DRC1: variants seen among roughly 807,000 people sequenced by gnomAD.
DRC1 encodes dynein regulatory complex protein 1.
In DRC1, 74 loss-of-function variants were observed where a neutral mutation model predicts 98.7. The ratio of observed to expected loss-of-function variants is 0.75; its 90% CI spans 0.62 to 0.91. The LOEUF is 0.91. Ranked by LOEUF, DRC1 falls within the 40% of genes least tolerant of loss-of-function variation. The probability of loss-of-function intolerance (pLI) is 0.00; values close to 1 mark genes in which losing one functional copy is unlikely to be tolerated. For missense variants in DRC1, 875 were observed against 886.0 expected, an observed-to-expected ratio of 0.99 and a Z score of 0.16; for synonymous variants, 336 against 334.1, an observed-to-expected ratio of 1.01 and a Z score of -0.06.
At position 26,452,256 on chromosome 2, in the gene DRC1, ATTC is replaced by A. The variant is rs1233151070; in HGVS notation, c.1690-1055_1690-1053del. On this transcript the variant is annotated intron_variant, in intron 13 of 16. Coordinates refer to ENST00000288710, the MANE Select transcript of DRC1 (RefSeq NM_145038.5). ...AAAACTATATACATTTTACTCTGAAATTCTTCTTCTTTTTTTTGAGACAGAGTC... is the reference window on the plus strand; with the variant it reads ...AAAACTATATACATTTTACTCTGAAATTCTTCTTTTTTTTGAGACAGAGTC... Among the ~76,000 whole-genome samples the A allele has an allele frequency of 1.2e-4, 18 of 152,214 alleles. No homozygotes were observed. The South Asian group carries it at 3.1e-3, about 26-fold the overall frequency.
rs77365992 is a variant in DRC1 at position 26,421,884 on chromosome 2, C to T, written c.356+484C>T. On this transcript the variant is annotated intron_variant, in intron 3 of 16. Coordinates refer to ENST00000288710, the MANE Select transcript of DRC1 (RefSeq NM_145038.5). Reference sequence around the variant, plus strand: ...TATCTCATCTCTTTTCTTTCCTCCCCTCCTCAAGCACTACATTGCTGATAC... The same window carrying T: ...TATCTCATCTCTTTTCTTTCCTCCCTTCCTCAAGCACTACATTGCTGATAC... Among the ~76,000 whole-genome samples the T allele has an allele frequency of 2.5e-3, 379 of 152,238 alleles. 2 individuals carry two copies. The highest frequency in any genetic ancestry group is 9.0e-3 in the African/African-American group (374 of 41,558).
chr2:26,436,046 A>G (rs777415945), intron 7 of DRC1, among the ~76,000 whole-genome samples: 1 of 151,972 alleles, frequency 6.6e-6, no homozygotes, highest in Non-Finnish European at 1.5e-5. Flanking sequence ...TGCTTTCTAC[A>G]ATGCCTGAAC....
chr2:26,448,352 T>G (rs1663912251), intron 10 of DRC1: 1 of 511,670 alleles, frequency 2.0e-6, no homozygotes. Flanking sequence ...ATCTCTGAAA[T>G]AAGAATAAAT....
At chr2:26,443,160 T>G (rs1157558495) in intron 8 of DRC1, among the ~76,000 whole-genome samples, 1 of 152,220 alleles carries the variant, frequency 6.6e-6, no homozygotes, top group Non-Finnish European at 1.5e-5. Context: ...ATTTTGATCA[T>G]TTCAGAATAA....
At chr2:26,418,578 A>AAATTATATATAATTTATATATAATATAT (rs1434932745) in intron 2 of DRC1, among the ~76,000 whole-genome samples, 3 of 105,296 alleles carry the variant, frequency 2.8e-5, no homozygotes, top group African/African-American at 8.7e-5. Flanking sequence ...TATATATTAT[A>AAATTATATATAATTTATATATAATATAT]TATAAATTAT....
chr2:26,452,640 T>G (rs1368017878), intron 13 of DRC1, among the ~76,000 whole-genome samples: 1 of 152,208 alleles, frequency 6.6e-6, no homozygotes, highest in East Asian at 1.9e-4. Context: ...ACAACCTATA[T>G]GTCCATTGTT....
intron 1 of DRC1, among the ~76,000 whole-genome samples, chr2:26,404,637 C>A (rs568544305): frequency 6.4e-4 from 98 of 152,314 alleles, no homozygotes; most frequent in African/African-American, 2.3e-3. Flanking sequence ...CCCACCAACA[C>A]CCCTGGGTGG....
intron 3 of DRC1, among the ~76,000 whole-genome samples, chr2:26,423,474 A>G (rs901996890): frequency 6.6e-6 from 1 of 152,066 alleles, no homozygotes; most frequent in African/African-American, 2.4e-5. Context: ...TATCTTAGCC[A>G]CTGTTCCCAG....
chr2:26,450,461 G>T, intron 12 of DRC1, 131 bp from the exon 13 acceptor site: 1 of 746,570 alleles, frequency 1.3e-6, no homozygotes. Flanking sequence ...GTTCACAGTC[G>T]CTTCCCAGCG....
At chr2:26,427,628 C>G (rs572051086) in intron 4 of DRC1, among the ~76,000 whole-genome samples, 1 of 152,060 alleles carries the variant, frequency 6.6e-6, no homozygotes, top group Non-Finnish European at 1.5e-5. Flanking sequence ...ATCTAGCTGA[C>G]CTTAGTCACG....
In DRC1 at chr2:26,454,771, A is replaced by G. The variant is rs772128135; in HGVS notation, c.2044A>G (p.Thr682Ala). The G allele has an allele frequency of 8.7e-6, 14 of 1,613,960 alleles. No individual in the cohort carries two copies. The highest frequency in any genetic ancestry group is 8.0e-5 in the African/African-American group (6 of 74,886). ...SKQNLWDALY[T>A]ALEKYHLVLT... The stretch of plus-strand genomic sequence containing the variant: ...GCAGAACCTCTGGGATGCCCTCTAC[A>G]CAGCCTTGGAGAAGTACCAGTAAGT... Residue 682 changes from threonine (T) to alanine (A), a missense_variant, in exon 15 of 17, where the codon ACA (threonine) becomes GCA (alanine). Transcript: ENST00000288710. This position sits in a 1 kb window ranked among gnomAD's most constrained non-coding sequence, Gnocchi z 5.2.
intron 4 of DRC1, among the ~76,000 whole-genome samples, chr2:26,427,455 G>A (rs995945769): frequency 6.6e-6 from 1 of 151,872 alleles, no homozygotes; most frequent in Non-Finnish European, 1.5e-5. Flanking sequence ...TTATGGGTAG[G>A]TGTATATATT....
At chr2:26,433,128 C>T (rs1663481999) in intron 7 of DRC1, among the ~76,000 whole-genome samples, 1 of 152,186 alleles carries the variant, frequency 6.6e-6, no homozygotes, top group Non-Finnish European at 1.5e-5. Flanking sequence ...AGGATTCCTG[C>T]AGTAGTAGGA....
At chr2:26,421,958 T>C (rs1663159242) in intron 3 of DRC1, among the ~76,000 whole-genome samples, 1 of 152,168 alleles carries the variant, frequency 6.6e-6, no homozygotes, top group Non-Finnish European at 1.5e-5. Flanking sequence ...CCTCTGTTTG[T>C]GGTATTCACA....
At position 26,402,034 on chromosome 2, in the gene DRC1, C is replaced by T. The variant is rs751667577; in HGVS notation, c.45C>T (p.Asp15=). 1 of 1,612,888 alleles carries T rather than the reference C, an allele frequency of 6.2e-7. No individual in the cohort carries two copies. The highest frequency in any genetic ancestry group is 1.1e-5 in the South Asian group (1 of 90,868). Residue 15 remains aspartate (D), a synonymous_variant, in exon 1 of 17, where the codon GAC becomes GAT. Transcript: ENST00000288710. The part of the protein sequence containing the change: ...GSLEALDPNV[D]EHLSTQILAP... The stretch of plus-strand genomic sequence containing the variant: ...TAGAGGCCCTGGACCCGAACGTGGA[C>T]GAGCACTTGTCCACCCAGATTCTCG...
intron 3 of DRC1, among the ~76,000 whole-genome samples, chr2:26,423,683 T>C (rs2147986896): frequency 6.6e-6 from 1 of 152,372 alleles, no homozygotes. Flanking sequence ...TGAGGTCATG[T>C]TGCTAATATA....
At chr2:26,429,182 GATGATTATTATTATTATTATTATTATT>G (rs1382120427) in intron 4 of DRC1, among the ~76,000 whole-genome samples, 21 of 146,098 alleles carry the variant, frequency 1.4e-4, no homozygotes, top group African/African-American at 3.4e-4. Flanking sequence ...TCTTTGTACA[GATGATTATTATTATTATTATTATTATT>G]ATTATTATTA....
At chr2:26,410,116 A>G (rs997364285) in intron 1 of DRC1, among the ~76,000 whole-genome samples, 4 of 151,658 alleles carry the variant, frequency 2.6e-5, no homozygotes, top group African/African-American at 4.8e-5. Flanking sequence ...TGTTCAGAGA[A>G]AAAAAATAGA....
chr2:26,420,386 A>G (rs1663095344), intron 2 of DRC1, among the ~76,000 whole-genome samples: 1 of 89,418 alleles, frequency 1.1e-5, no homozygotes, highest in South Asian at 4.3e-4. Context: ...CCTCACTGTC[A>G]TTATCTGCCT....
Sources: allele counts gnomAD v4.1 joint callset (sites outside exome capture counted in the v4.1 genomes callset), GRCh38; gene constraint gnomAD v4.1.1; non-coding constraint Gnocchi (gnomAD v3.1); transcripts MANE v1.5; gene names NCBI Gene and HGNC (gene_info 2026-07-23, HGNC 2026-07-21).